Variants in MALRD1 observed in about 807,000 individuals in gnomAD.
MALRD1 encodes MAM and LDL receptor class A domain containing 1.
A neutral mutation model predicts 242.1 loss-of-function variants in MALRD1; 247 were observed. That is an observed-to-expected ratio of 1.02 (90% CI 0.92 to 1.13). MALRD1 has a LOEUF of 1.13. Ranked by LOEUF, MALRD1 falls within the 50% of genes most tolerant of loss-of-function variation. The probability of loss-of-function intolerance (pLI) is 0.00; values close to 1 mark genes in which losing one functional copy is unlikely to be tolerated. For missense variants in MALRD1, 2,989 were observed against 2,533.1 expected (o/e 1.18, Z -3.86); for synonymous variants, 995 against 866.6 (o/e 1.15, Z -2.60).
At chr10:19,454,705 TGCACAC>T (rs1408698990) in intron 29 of MALRD1, among the ~76,000 whole-genome samples, 1 of 118,080 alleles carries the variant, frequency 8.5e-6, no homozygotes, top group East Asian at 2.4e-4. Context: ...GGACTGTCCG[TGCACAC>T]GTACACACAC....
At chr10:19,252,275 T>A (rs1182309198) in intron 18 of MALRD1, among the ~76,000 whole-genome samples, 2 of 152,002 alleles carry the variant, frequency 1.3e-5, no homozygotes, top group Non-Finnish European at 2.9e-5. Context: ...AGAGCACTCA[T>A]GGAGTTAAAC....
chr10:19,169,165 G>A (rs1834817402), intron 13 of MALRD1, among the ~76,000 whole-genome samples: 1 of 152,028 alleles, frequency 6.6e-6, no homozygotes, highest in Admixed American at 6.6e-5. Flanking sequence ...ATTAAACAGT[G>A]CTGCCCCCAA....
rs551973529 is a variant in MALRD1 at position 19,379,351 on chromosome 10, T to C, written c.4442-8177T>C. ...CCTTCTACTTATTTTGTGATAAATT[T>C]GCTTTTATTTTTCTAGCTTCTTATG... On this transcript the variant is annotated intron_variant, in intron 26 of 39. Coordinates refer to ENST00000454679, the MANE Select transcript of MALRD1 (RefSeq NM_001142308.3). Among the ~76,000 whole-genome samples the C allele has an allele frequency of 4.6e-5, 7 of 152,246 alleles. No homozygotes were observed. In the East Asian group the frequency reaches 1.3e-3, roughly 29 times the overall value.
chr10:19,647,468 G>A (rs939317514), intron 36 of MALRD1, among the ~76,000 whole-genome samples: 1 of 152,054 alleles, frequency 6.6e-6, no homozygotes, highest in African/African-American at 2.4e-5. Flanking sequence ...CACTTGAAGA[G>A]GAATAGGAAT....
chr10:19,529,702 A>G (rs751700793), intron 31 of MALRD1, among the ~76,000 whole-genome samples: 2 of 152,210 alleles, frequency 1.3e-5, no homozygotes, highest in South Asian at 2.1e-4. Flanking sequence ...CAAACACAAG[A>G]CCCAACTATA....
intron 1 of MALRD1, among the ~76,000 whole-genome samples, 185 bp from the exon 2 acceptor site, chr10:19,066,534 G>A (rs891427044): frequency 2.0e-5 from 3 of 152,016 alleles, no homozygotes; most frequent in Non-Finnish European, 4.4e-5. Flanking sequence ...TTTTCGTTGT[G>A]GTAACTTATT....
At chr10:19,288,861 C>G (rs1179967778) in intron 21 of MALRD1, among the ~76,000 whole-genome samples, 2 of 152,104 alleles carry the variant, frequency 1.3e-5, no homozygotes, top group Non-Finnish European at 1.5e-5. Flanking sequence ...CTAATGGTGT[C>G]TCTGCTGCTC....
At chr10:19,672,694 G>T (rs1841979708) in intron 36 of MALRD1, among the ~76,000 whole-genome samples, 1 of 152,066 alleles carries the variant, frequency 6.6e-6, no homozygotes, top group African/African-American at 2.4e-5. Context: ...AAAGTGCTGG[G>T]ATTACAGGTG....
intron 32 of MALRD1, among the ~76,000 whole-genome samples, chr10:19,535,542 C>T (rs1013191039): frequency 6.8e-6 from 1 of 147,586 alleles, no homozygotes; most frequent in East Asian, 2.0e-4. Flanking sequence ...TATACATATA[C>T]ATATATATAC....
At position 19,216,096 on chromosome 10, in the gene MALRD1, CTTCTTTCT is replaced by C. The variant is rs200642954; in HGVS notation, c.2991+6435_2991+6442del. On this transcript the variant is annotated intron_variant, in intron 18 of 39. Coordinates refer to ENST00000454679, the MANE Select transcript of MALRD1 (RefSeq NM_001142308.3). The stretch of plus-strand genomic sequence containing the variant: ...TTAAGTAATACTATATCTTTTTCTA[CTTCTTTCT>C]TTCTTTCTTTCTTTCTTTTTTTTTT... Among the ~76,000 whole-genome samples the C allele has an allele frequency of 1.7e-4, 24 of 143,026 alleles. No individual in the cohort carries two copies. The East Asian group carries it at 1.9e-3, about 11-fold the overall frequency. 93.8% of individuals were successfully genotyped at this position (143,026 alleles called of 152,430 possible).
chr10:19,158,264 G>A (rs1413848391), intron 12 of MALRD1, among the ~76,000 whole-genome samples: 1 of 152,286 alleles, frequency 6.6e-6, no homozygotes, highest in Middle Eastern at 3.4e-3. Context: ...ACAGGAAGAT[G>A]GATAATATGA....
chr10:19,221,896 A>T (rs1837568826), intron 18 of MALRD1, among the ~76,000 whole-genome samples: 1 of 152,088 alleles, frequency 6.6e-6, no homozygotes, highest in South Asian at 2.1e-4. Context: ...AAGAAGGAAA[A>T]AGAGCGGAGA....
chr10:19,596,175 G>T (rs951170610), intron 34 of MALRD1, among the ~76,000 whole-genome samples: 4 of 152,232 alleles, frequency 2.6e-5, no homozygotes, highest in African/African-American at 9.6e-5. Context: ...CCAGTGTCAG[G>T]TAGGGAAGGA....
intron 29 of MALRD1, among the ~76,000 whole-genome samples, chr10:19,469,999 A>G (rs1043373425): frequency 3.9e-5 from 6 of 152,024 alleles, no homozygotes; most frequent in African/African-American, 1.4e-4. Context: ...AATTTTAAAT[A>G]TTCAATATAG....
At chr10:19,149,405 T>G (rs1833857812) in intron 11 of MALRD1, among the ~76,000 whole-genome samples, 1 of 152,140 alleles carries the variant, frequency 6.6e-6, no homozygotes, top group South Asian at 2.1e-4. Flanking sequence ...CCTTCCTGCC[T>G]TTTTTGCTTC....
At chr10:19,524,311 A>G (rs1345999649) in intron 31 of MALRD1, among the ~76,000 whole-genome samples, 14 of 152,044 alleles carry the variant, frequency 9.2e-5, no homozygotes, top group Non-Finnish European at 7.4e-5. Context: ...CCCTGTCTCT[A>G]CTAAAAATAC....
rs569038959 is a variant in MALRD1, at chr10:19,203,856, G to A, written c.2080G>A (p.Asp694Asn). ...TTTTGAGCACCAGGCTCCACCTCGG[G>A]ATCATAGTCTCAACGCATCTCAAGG... ...ADFEHQAPPR[D>N]HSLNASQGHF... is the part of the protein sequence containing the mutation. Residue 694 changes from aspartate (D) to asparagine (N), a missense_variant, in exon 15 of 40, where the codon GAT (aspartate) becomes AAT (asparagine). Physicochemically the swap from Asp to Asn is conservative, Grantham distance 23. Coordinates refer to ENST00000454679, the MANE Select transcript of MALRD1 (RefSeq NM_001142308.3). The A allele has an allele frequency of 2.1e-5, 32 of 1,550,432 alleles. No individual in the cohort carries two copies. The South Asian group carries it at 3.7e-4, about 18-fold the overall frequency.
chr10:19,097,851 A>G (rs2131319935), intron 4 of MALRD1, among the ~76,000 whole-genome samples: 1 of 152,310 alleles, frequency 6.6e-6, no homozygotes, highest in African/African-American at 2.4e-5. Context: ...AGTAATTAAG[A>G]AAATTAATCC....
chr10:19,150,207 T>G (rs1485317873), intron 11 of MALRD1, among the ~76,000 whole-genome samples: 1 of 152,224 alleles, frequency 6.6e-6, no homozygotes, highest in African/African-American at 2.4e-5. Flanking sequence ...CTCTATCCAA[T>G]GCCTATGTCT....
Sources: allele counts gnomAD v4.1 joint callset (sites outside exome capture counted in the v4.1 genomes callset), GRCh38; gene constraint gnomAD v4.1.1; transcripts MANE v1.5; gene names NCBI Gene and HGNC (gene_info 2026-07-23, HGNC 2026-07-21).